PPP1R13B: variants seen among roughly 807,000 people sequenced by gnomAD.
PPP1R13B encodes apoptosis-stimulating of p53 protein 1.
In PPP1R13B, 44 loss-of-function variants were observed where a neutral mutation model predicts 119.8. That is an observed-to-expected ratio of 0.37 (90% CI 0.29 to 0.47). PPP1R13B has a LOEUF of 0.47. Ranked by LOEUF, PPP1R13B falls within the 20% of genes least tolerant of loss-of-function variation. The pLI, the probability that PPP1R13B is intolerant of heterozygous loss-of-function variation, is 0.99. For synonymous variants in PPP1R13B, 542 were observed against 561.5 expected (o/e 0.97, Z 0.49); for missense variants, 1,227 against 1,413.5 (o/e 0.87, Z 2.12).
At chr14:103,801,755 A>G (rs935694354) in intron 1 of PPP1R13B, among the ~76,000 whole-genome samples, 4 of 152,072 alleles carry the variant, frequency 2.6e-5, no homozygotes, top group Admixed American at 1.3e-4. Context: ...AATCTGGTCA[A>G]CTCCATGAAT....
In PPP1R13B at chr14:103,740,514, G is replaced by A. The variant is rs1361492190; in HGVS notation, c.1902C>T (p.Gly634=). Reference sequence around the variant, plus strand: ...CTGAAGGTGGCTGAGGCTGTGGTGTGCCCGTGGACAGTGACCCGTGAAGAA... The same window carrying A: ...CTGAAGGTGGCTGAGGCTGTGGTGTACCCGTGGACAGTGACCCGTGAAGAA... The part of the protein sequence containing the change: ...LPFLHGSLST[G]TPQPQPPSES... The change falls in exon 12 of 17, where the codon GGC becomes GGT. Residue 634 remains glycine, a synonymous_variant. Coordinates refer to ENST00000202556, the MANE Select transcript of PPP1R13B (RefSeq NM_015316.3). This position sits in a 1 kb window ranked among gnomAD's most constrained non-coding sequence, Gnocchi z 4.6. 1 of 1,598,840 alleles carries A rather than the reference G, an allele frequency of 6.3e-7. No homozygotes were observed. The highest frequency in any genetic ancestry group is 1.3e-5 in the African/African-American group (1 of 74,536).
chr14:103,844,206 G>T (rs540257587), intron 1 of PPP1R13B, among the ~76,000 whole-genome samples: 1 of 151,884 alleles, frequency 6.6e-6, no homozygotes, highest in South Asian at 2.1e-4. Flanking sequence ...GGCGGAGGTC[G>T]CCGTAAGCTG....
rs2084294773 is a variant in PPP1R13B, at chr14:103,742,884, A to G, written c.1151-61T>C. 6.3e-7 allele frequency: 1 copy of G among 1,575,952 alleles called. No homozygotes were observed. Among genetic ancestry groups the G allele is most frequent in the Admixed American group, 1.7e-5 (1 of 58,606 alleles). ...TCAATGTAGTTGAACCAACCTAAGA[A>G]TAACACTCTGCCAGAAACAAAAACA... On this transcript the variant is annotated intron_variant, in intron 9 of 16. Transcript: ENST00000202556. This position sits in a 1 kb window ranked among gnomAD's most constrained non-coding sequence, Gnocchi z 4.9.
intron 2 of PPP1R13B, among the ~76,000 whole-genome samples, chr14:103,793,486 T>C (rs981335637): frequency 2.0e-5 from 3 of 152,206 alleles, no homozygotes; most frequent in Non-Finnish European, 4.4e-5. Context: ...TCTGTCATGA[T>C]TGTAAGTTTC....
intron 3 of PPP1R13B, among the ~76,000 whole-genome samples, chr14:103,780,547 G>T (rs1483730467): frequency 6.7e-6 from 1 of 148,936 alleles, no homozygotes; most frequent in Non-Finnish European, 1.5e-5. Context: ...GGACGTGGTG[G>T]CTCATGCCTG....
rs1161808831 is a variant in PPP1R13B, at chr14:103,737,826, C to T, written c.2899G>A (p.Val967Ile). Residue 967 changes from valine (V) to isoleucine (I), a missense_variant, in exon 15 of 17, where the codon GTT becomes ATT. Val to Ile is a conservative substitution (Grantham distance 29, BLOSUM62 3). Transcript: ENST00000202556. ...PLHCAASCNS[V>I]HLCKQLVESG... ...TCCACCAGCTGTTTGCAGAGGTGAACGCTGTTACAAGAGGCAGCGCAGTGC... is the reference window on the plus strand; with the variant it reads ...TCCACCAGCTGTTTGCAGAGGTGAATGCTGTTACAAGAGGCAGCGCAGTGC... 13 of 1,614,066 alleles carry T rather than the reference C, an allele frequency of 8.1e-6. No homozygotes were observed. Among genetic ancestry groups the T allele is most frequent in the East Asian group, 2.2e-5 (1 of 44,902 alleles).
chr14:103,824,159 C>T (rs2086481169), intron 1 of PPP1R13B, among the ~76,000 whole-genome samples: 1 of 149,012 alleles, frequency 6.7e-6, no homozygotes, highest in Non-Finnish European at 1.5e-5. Flanking sequence ...AATTCTCCTG[C>T]CTCAGCCTCC....
chr14:103,737,992 C>A (rs2084156167), intron 14 of PPP1R13B, 132 bp from the exon 15 acceptor site: 1 of 1,091,482 alleles, frequency 9.2e-7, no homozygotes, highest in African/African-American at 1.6e-5. Context: ...AGTGTTGTTT[C>A]TTTAAAGGCA....
intron 4 of PPP1R13B, among the ~76,000 whole-genome samples, chr14:103,771,067 C>T (rs1262535570): frequency 6.6e-6 from 1 of 152,094 alleles, no homozygotes; most frequent in Non-Finnish European, 1.5e-5. Context: ...ATGAAATGAA[C>T]CCCCCAACAG....
In PPP1R13B at chr14:103,749,952, C is replaced by T; in HGVS notation, c.829-18G>A. 3 of 1,607,254 alleles carry T rather than the reference C, an allele frequency of 1.9e-6. No individual in the cohort carries two copies. The highest frequency in any genetic ancestry group is 2.5e-6 in the Non-Finnish European group (3 of 1,177,784). ...TTACGAATCTACAAACCACAAAATA[C>T]AACCTTTATGATTTGTGTTAATTAA... On this transcript the variant is annotated intron_variant, in intron 7 of 16. Transcript: ENST00000202556.
At chr14:103,785,900 G>T (rs900179868) in intron 2 of PPP1R13B, among the ~76,000 whole-genome samples, 5 of 152,168 alleles carry the variant, frequency 3.3e-5, no homozygotes, top group Non-Finnish European at 7.3e-5. Flanking sequence ...AGGTACGAAG[G>T]CTGGACAGGG....
At chr14:103,835,991 T>G (rs2086768241) in intron 1 of PPP1R13B, among the ~76,000 whole-genome samples, 2 of 151,060 alleles carry the variant, frequency 1.3e-5, no homozygotes, top group South Asian at 4.2e-4. Context: ...TCCTTCCCCC[T>G]TGGCCTCCTG....
At position 103,835,425 on chromosome 14, in the gene PPP1R13B, CT is replaced by C. The variant is rs71126076; in HGVS notation, c.9+11873del. Among the ~76,000 whole-genome samples, 861 of 125,330 alleles carry C rather than the reference CT, an allele frequency of 6.9e-3. 4 individuals are homozygous for C. The highest frequency in any genetic ancestry group is 0.023 in the Middle Eastern group (5 of 218). 82.2% of individuals were successfully genotyped at this position (125,330 alleles called of 152,430 possible). ...CAGGCATGAGCCACTGCGCCCAGCA[CT>C]TTTTTTTTTTTTTTTTTTTAAAGAG... On this transcript the variant is annotated intron_variant, in intron 1 of 16. Transcript: ENST00000202556.
intron 6 of PPP1R13B, among the ~76,000 whole-genome samples, chr14:103,753,740 C>T (rs1031528962): frequency 2.6e-5 from 4 of 152,094 alleles, no homozygotes; most frequent in Non-Finnish European, 5.9e-5. Flanking sequence ...GTCTGAGGGC[C>T]GCAAGAGATC....
chr14:103,767,858 T>TA (rs1356508973), intron 4 of PPP1R13B, among the ~76,000 whole-genome samples: 1 of 152,228 alleles, frequency 6.6e-6, no homozygotes, highest in Non-Finnish European at 1.5e-5. Flanking sequence ...TCAATCTTGA[T>TA]AAAGTTAATC....
intron 1 of PPP1R13B, among the ~76,000 whole-genome samples, chr14:103,821,764 A>C (rs550603241): frequency 6.6e-6 from 1 of 151,980 alleles, no homozygotes; most frequent in South Asian, 2.1e-4. Context: ...AAAAATAAAT[A>C]AATAAAATAA....
rs2085424781 is a variant in PPP1R13B, at chr14:103,785,005, T to C, written c.158-91A>G. On this transcript the variant is annotated intron_variant, in intron 2 of 16. Coordinates refer to ENST00000202556, the MANE Select transcript of PPP1R13B (RefSeq NM_015316.3). ...TAAAAAACTTAAATGAATGTATATATGCACACATGTATGTCTACATGTTAC... is the reference window on the plus strand; with the variant it reads ...TAAAAAACTTAAATGAATGTATATACGCACACATGTATGTCTACATGTTAC... 3 of 1,160,816 alleles carry C rather than the reference T, an allele frequency of 2.6e-6. No individual in the cohort carries two copies. In the Admixed American group the frequency reaches 6.7e-5, roughly 26 times the overall value. The allele number at this position is 1,160,816 out of a possible 1,614,324, so 71.9% of individuals were successfully genotyped here.
intron 4 of PPP1R13B, among the ~76,000 whole-genome samples, chr14:103,761,548 G>C (rs942599709): frequency 5.9e-5 from 9 of 152,060 alleles, no homozygotes; most frequent in African/African-American, 2.2e-4. Context: ...CGGATCACGA[G>C]GTCAGGAGTT....
chr14:103,782,474 G>A (rs2085359910), intron 3 of PPP1R13B, among the ~76,000 whole-genome samples: 1 of 152,214 alleles, frequency 6.6e-6, no homozygotes, highest in Admixed American at 6.5e-5. Context: ...CCAGGGCACA[G>A]CTTTAGGATA....
Sources: allele counts gnomAD v4.1 joint callset (sites outside exome capture counted in the v4.1 genomes callset), GRCh38; gene constraint gnomAD v4.1.1; non-coding constraint Gnocchi (gnomAD v3.1); transcripts MANE v1.5; gene names NCBI Gene and HGNC (gene_info 2026-07-23, HGNC 2026-07-21).